EGFR: variants seen among roughly 807,000 people sequenced by gnomAD.
EGFR encodes epidermal growth factor receptor.
In EGFR, 58 loss-of-function variants were observed where a neutral mutation model predicts 143.0. The observed-to-expected ratio is 0.41, with a 90% CI of 0.33 to 0.50. The LOEUF is 0.50. EGFR is among the 20% of genes least tolerant of loss of function. The pLI is 0.39. For missense variants in EGFR, 1,307 were observed against 1,579.0 expected (o/e 0.83, Z 2.92); for synonymous variants, 613 against 594.4 (o/e 1.03, Z -0.45).
chr7:55,143,237 C>G, intron 2 of EGFR, 68 bp from the exon 3 acceptor site: 4 of 1,585,836 alleles, frequency 2.5e-6, no homozygotes, highest in Non-Finnish European at 3.5e-6. Context: ...CTCCCTGGAC[C>G]CATTTTAGAC....
intron 1 of EGFR, among the ~76,000 whole-genome samples, chr7:55,034,629 C>G (rs1276865858): frequency 2.0e-5 from 3 of 152,176 alleles, no homozygotes; most frequent in Non-Finnish European, 4.4e-5. Context: ...TTATATGGAA[C>G]TGTAAAAAAT....
chr7:55,112,804 G>T (rs1401921139), intron 1 of EGFR, among the ~76,000 whole-genome samples: 1 of 152,166 alleles, frequency 6.6e-6, no homozygotes, highest in African/African-American at 2.4e-5. Flanking sequence ...GGTAGAGCAG[G>T]GACTGGAATC....
At chr7:55,056,275 C>A (rs11773818) in intron 1 of EGFR, among the ~76,000 whole-genome samples, 2 of 152,056 alleles carry the variant, frequency 1.3e-5, no homozygotes, top group African/African-American at 4.8e-5. Flanking sequence ...GCATCTGGAA[C>A]ATGAAAGAAC....
rs900661244 is a variant in EGFR, at chr7:55,206,091, T to G, written c.*474T>G. ...AGCCACAAGTCTTCCAGAGGATGCT[T>G]GATTCCAGTGGTTCTGCTTCAAGGC... On this transcript the variant is annotated 3_prime_UTR_variant, in exon 28 of 28. Coordinates refer to ENST00000275493, the MANE Select transcript of EGFR (RefSeq NM_005228.5). 4 of 327,174 alleles carry G rather than the reference T, an allele frequency of 1.2e-5. No homozygotes were observed. The highest frequency in any genetic ancestry group is 2.3e-5 in the Non-Finnish European group (4 of 177,014). 20.3% of individuals were successfully genotyped at this position (327,174 alleles called of 1,614,324 possible).
At chr7:55,137,759 T>A (rs1794232061) in intron 1 of EGFR, among the ~76,000 whole-genome samples, 1 of 152,256 alleles carries the variant, frequency 6.6e-6, no homozygotes, top group Admixed American at 6.5e-5. Flanking sequence ...CCATCTATGT[T>A]CTAAAGCAAG....
chr7:55,178,524 C>T (rs115967098), intron 19 of EGFR, among the ~76,000 whole-genome samples: 1 of 152,118 alleles, frequency 6.6e-6, no homozygotes, highest in African/African-American at 2.4e-5. Flanking sequence ...GGTCAGGAGA[C>T]CTGGTTGTGG....
intron 1 of EGFR, among the ~76,000 whole-genome samples, chr7:55,082,323 C>T (rs1790508913): frequency 6.6e-6 from 1 of 152,196 alleles, no homozygotes; most frequent in Admixed American, 6.5e-5. Flanking sequence ...CCTCCCTTTC[C>T]TTTCCTCCCC....
Position 55,146,683 on chromosome 7 carries a change from G to C in EGFR, c.502G>C (p.Val168Leu), listed in dbSNP as rs530692924. ...NVESIQWRDI[V>L]SSDFLSNMSM... The stretch of plus-strand genomic sequence containing the variant: ...GGAGAGCATCCAGTGGCGGGACATA[G>C]TCAGCAGTGACTTTCTCAGCAACAT... Residue 168 changes from valine to leucine, a missense_variant, in exon 4 of 28, where the codon GTC (valine) becomes CTC (leucine). Around this residue, in one of 7 missense-constraint regions of EGFR, gnomAD observed 311 missense variants for 412.3 expected, o/e 0.75. Coordinates refer to ENST00000275493, the MANE Select transcript of EGFR (RefSeq NM_005228.5). 6.2e-7 allele frequency: 1 copy of C among 1,614,110 alleles called. No homozygotes were observed. The highest frequency in any genetic ancestry group is 1.7e-5 in the Admixed American group (1 of 60,022).
intron 6 of EGFR, 88 bp from the exon 7 acceptor site, chr7:55,153,923 C>T (rs1190991978): frequency 1.4e-5 from 22 of 1,589,580 alleles, no homozygotes; most frequent in South Asian, 1.0e-4. Context: ...GGCTTTCTGA[C>T]GGGAGTCAAC....
At chr7:55,067,102 G>C (rs1053050791) in intron 1 of EGFR, among the ~76,000 whole-genome samples, 18 of 152,202 alleles carry the variant, frequency 1.2e-4, no homozygotes, top group African/African-American at 4.1e-4. Context: ...CAGCACTGCT[G>C]TCAGGGTGAG....
chr7:55,023,131 C>T (rs144220305), intron 1 of EGFR, among the ~76,000 whole-genome samples: 43 of 152,164 alleles, frequency 2.8e-4, no homozygotes, highest in African/African-American at 9.7e-4. Context: ...GAGGACATTT[C>T]GCCTGTTGCA....
At chr7:55,099,469 G>T (rs1015274763) in intron 1 of EGFR, among the ~76,000 whole-genome samples, 1 of 152,226 alleles carries the variant, frequency 6.6e-6, no homozygotes, top group Non-Finnish European at 1.5e-5. Flanking sequence ...TCTATGAAAA[G>T]GTGAAATCAT....
intron 4 of EGFR, among the ~76,000 whole-genome samples, chr7:55,147,968 C>T (rs737540): frequency 0.047 from 7,235 of 152,316 alleles, 466 homozygotes; most frequent in East Asian, 0.29. Flanking sequence ...AATGTCCTTC[C>T]TCTTCATGGC....
At chr7:55,083,881 G>A (rs1790612043) in intron 1 of EGFR, among the ~76,000 whole-genome samples, 2 of 152,160 alleles carry the variant, frequency 1.3e-5, no homozygotes, top group Non-Finnish European at 2.9e-5. Flanking sequence ...GAGTGCCTCA[G>A]GTTTTTGGAA....
chr7:55,156,506 G>T (rs372215263), intron 8 of EGFR, 27 bp from the exon 9 acceptor site: 1 of 1,613,794 alleles, frequency 6.2e-7, no homozygotes, highest in Non-Finnish European at 8.5e-7. Context: ...AATGTGAACG[G>T]AATACACGTC....
At chr7:55,098,819 A>G (rs1417665257) in intron 1 of EGFR, among the ~76,000 whole-genome samples, 3 of 152,224 alleles carry the variant, frequency 2.0e-5, no homozygotes, top group African/African-American at 4.8e-5. Context: ...AAAAGATTCA[A>G]CAAAGTAGTT....
Position 55,157,722 on chromosome 7 carries a change from C to T in EGFR, c.1267C>T (p.Leu423=), listed in dbSNP as rs1302407953. The part of the protein sequence containing the change: ...NRTDLHAFEN[L]EIIRGRTKQH... ...GACGGACCTCCATGCCTTTGAGAAC[C>T]TAGAAATCATACGCGGCAGGACCAA... The change falls in exon 11 of 28, where the codon CTA becomes TTA. Residue 423 remains leucine, a synonymous_variant. Coordinates refer to ENST00000275493, the MANE Select transcript of EGFR (RefSeq NM_005228.5). 1 of 1,614,222 alleles carries T rather than the reference C, an allele frequency of 6.2e-7. No homozygotes were observed. Among genetic ancestry groups the T allele is most frequent in the Non-Finnish European group, 8.5e-7 (1 of 1,180,028 alleles).
chr7:55,042,094 TAAAAG>T, intron 1 of EGFR, among the ~76,000 whole-genome samples: 1 of 152,192 alleles, frequency 6.6e-6, no homozygotes, highest in Non-Finnish European at 1.5e-5. Flanking sequence ...CCTTAGTAAT[TAAAAG>T]AAATGATTAT....
At chr7:55,138,144 G>T (rs1252263009) in intron 1 of EGFR, among the ~76,000 whole-genome samples, 1 of 152,172 alleles carries the variant, frequency 6.6e-6, no homozygotes, top group Non-Finnish European at 1.5e-5. Flanking sequence ...GTAGTAAAAT[G>T]CTAACATAAG....
Sources: allele counts gnomAD v4.1 joint callset (sites outside exome capture counted in the v4.1 genomes callset), GRCh38; gene constraint gnomAD v4.1.1; regional missense constraint gnomAD v4.1.1; transcripts MANE v1.5; gene names NCBI Gene and HGNC (gene_info 2026-07-23, HGNC 2026-07-21).